The following BANP variants were observed in gnomAD, a reference collection of about 807,000 sequenced individuals.
The protein encoded by BANP is protein BANP.
In BANP, 11 loss-of-function variants were observed where a neutral mutation model predicts 68.1. The ratio of observed to expected loss-of-function variants is 0.16; its 90% CI spans 0.10 to 0.27. The LOEUF (loss-of-function observed/expected upper bound fraction) is 0.27, where lower values mean the gene tolerates loss of function less well. Among genes scored for constraint, BANP ranks in the 10% least tolerant of loss-of-function variants. The pLI, the probability that BANP is intolerant of heterozygous loss-of-function variation, is 1.00. For synonymous variants in BANP, 329 were observed against 303.2 expected, an observed-to-expected ratio of 1.09 and a Z score of -0.88; for missense variants, 504 against 722.7, an observed-to-expected ratio of 0.70 and a Z score of 3.47.
At chr16:88,026,172 G>A (rs2076947469) in intron 7 of BANP, among the ~76,000 whole-genome samples, 1 of 152,228 alleles carries the variant, frequency 6.6e-6, no homozygotes, top group African/African-American at 2.4e-5. Flanking sequence ...GGGGGTCCCA[G>A]GACAGTTCTC....
intron 4 of BANP, among the ~76,000 whole-genome samples, chr16:87,990,746 G>T (rs1274881984): frequency 2.0e-5 from 3 of 152,076 alleles, no homozygotes; most frequent in Non-Finnish European, 4.4e-5. Flanking sequence ...ACCTTGCACA[G>T]CTGCATACTT....
rs946350281 is a variant in BANP at position 88,076,826 on chromosome 16, A to C, written c.*165A>C. ...GGAACAGCATCCTATCAACTGAAAG[A>C]GCAGCCGCCGCCGCCCCCAGCCGGA... On this transcript the variant is annotated 3_prime_UTR_variant, in exon 14 of 14. Transcript: ENST00000682872. The C allele has an allele frequency of 2.3e-5, 14 of 610,180 alleles. No individual in the cohort carries two copies. In the African/African-American group the frequency reaches 2.4e-4, roughly 11 times the overall value. The allele number at this position is 610,180 out of a possible 1,614,324, so 37.8% of individuals were successfully genotyped here. A position where few individuals can be genotyped will look rare whatever the true frequency, so the allele number is the denominator to read the frequency against.
intron 6 of BANP, chr16:88,017,190 C>G (rs1218924413): frequency 6.6e-6 from 1 of 152,188 alleles, no homozygotes; most frequent in Non-Finnish European, 1.5e-5. Context: ...TCTGAGGCAG[C>G]GATGCCCAGG....
chr16:88,043,945 T>C (rs2081379378), intron 11 of BANP, among the ~76,000 whole-genome samples: 1 of 152,244 alleles, frequency 6.6e-6, no homozygotes. Context: ...TGGATGACTT[T>C]ATTTTTGAGT....
chr16:88,047,324 C>G (rs1266024604), intron 11 of BANP, among the ~76,000 whole-genome samples: 1 of 152,342 alleles, frequency 6.6e-6, no homozygotes, highest in African/African-American at 2.4e-5. Context: ...TTGGCGAAAA[C>G]TGCCAGTTTC....
chr16:87,992,089 C>T (rs2066004802), intron 4 of BANP, among the ~76,000 whole-genome samples: 1 of 152,168 alleles, frequency 6.6e-6, no homozygotes, highest in South Asian at 2.1e-4. Flanking sequence ...ATTGGATTTT[C>T]ACATGCCTTT....
chr16:88,013,404 G>A (rs913699884), intron 6 of BANP, among the ~76,000 whole-genome samples: 2 of 152,154 alleles, frequency 1.3e-5, no homozygotes, highest in South Asian at 2.1e-4. Flanking sequence ...TTCCTAGACC[G>A]CTGCCCGCAC....
chr16:88,045,165 T>G (rs1462742587), intron 11 of BANP, among the ~76,000 whole-genome samples: 4 of 152,104 alleles, frequency 2.6e-5, no homozygotes, highest in Non-Finnish European at 4.4e-5. Flanking sequence ...TTCTCAGGGC[T>G]TTTCATCTAG....
chr16:87,954,231 C>G (rs1289375378), intron 1 of BANP, among the ~76,000 whole-genome samples: 1 of 152,142 alleles, frequency 6.6e-6, no homozygotes, highest in Non-Finnish European at 1.5e-5. Flanking sequence ...TATGTGTTCA[C>G]AATCAAATTT....
rs2075247899 is a variant in BANP at position 88,018,988 on chromosome 16, A to T, written c.895+321A>T. Among the ~76,000 whole-genome samples, 1 of 151,714 alleles carries T rather than the reference A, an allele frequency of 6.6e-6. No homozygotes were observed. Among genetic ancestry groups the T allele is most frequent in the African/African-American group, 2.4e-5 (1 of 41,318 alleles). ...CTTGAGGAAGAGAGAGGAGGAGGAG[A>T]GCCGGGGCCTTCCCTGCTGTCCTGG... is the stretch of plus-strand genomic sequence containing the variant. On this transcript the variant is annotated intron_variant, in intron 7 of 13. Coordinates refer to ENST00000682872, the MANE Select transcript of BANP (RefSeq NM_001386991.1). This position sits in a 1 kb window ranked among gnomAD's most constrained non-coding sequence, Gnocchi z 7.7.
At chr16:87,956,086 GC>G (rs1303820689) in intron 1 of BANP, among the ~76,000 whole-genome samples, 1 of 152,154 alleles carries the variant, frequency 6.6e-6, no homozygotes, top group Non-Finnish European at 1.5e-5. Context: ...TGGTCTTGCA[GC>G]TCCCCCGTCA....
At chr16:87,950,348 G>A (rs1277966915), upstream of BANP, 1 of 152,186 alleles carries the variant, frequency 6.6e-6, no homozygotes, top group African/African-American at 2.4e-5. Context: ...GACATTTCTG[G>A]GAACTGCGCT....
intron 11 of BANP, among the ~76,000 whole-genome samples, chr16:88,059,436 A>C (rs2086089631): frequency 6.6e-6 from 1 of 152,102 alleles, no homozygotes. Flanking sequence ...ACCTGAGCCC[A>C]GTGTGGCCTC....
chr16:87,961,408 C>CCCCCT (rs1567585443), intron 1 of BANP, among the ~76,000 whole-genome samples: 1 of 78,756 alleles, frequency 1.3e-5, no homozygotes, highest in African/African-American at 4.7e-5. Context: ...ACAGAATCTG[C>CCCCCT]ACCCCCCCGG....
chr16:88,019,172 C>T (rs1013192484), intron 7 of BANP, among the ~76,000 whole-genome samples: 2 of 152,184 alleles, frequency 1.3e-5, no homozygotes, highest in Admixed American at 6.5e-5. Context: ...GATTTTCGTG[C>T]CCAGCCCGGC....
rs1211498516 is a variant in BANP at position 88,036,179 on chromosome 16, G to A, written c.1272+785G>A. 3.9e-5 allele frequency among the ~76,000 whole-genome samples: 6 copies of A among 152,228 alleles called. No individual in the cohort carries two copies. The highest frequency in any genetic ancestry group is 3.8e-4 in the East Asian group (2 of 5,198). On this transcript the variant is annotated intron_variant, in intron 10 of 13. Transcript: ENST00000682872. The surrounding 1 kb of genome is among the most constrained non-coding windows in gnomAD (Gnocchi z 4.2). Reference sequence around the variant, plus strand: ...CACACACGTGTTGTACTCAGTGACCGTGGTGCGCTCTGGGGGATGAGGAAC... The same window carrying A: ...CACACACGTGTTGTACTCAGTGACCATGGTGCGCTCTGGGGGATGAGGAAC...
At chr16:87,985,842 A>G (rs2064283931) in intron 4 of BANP, among the ~76,000 whole-genome samples, 2 of 152,356 alleles carry the variant, frequency 1.3e-5, no homozygotes, top group East Asian at 3.9e-4. Context: ...ACTTTCACAT[A>G]AAGCAAAGTA....
intron 4 of BANP, among the ~76,000 whole-genome samples, chr16:87,994,190 G>T (rs916808172): frequency 3.3e-5 from 5 of 152,214 alleles, no homozygotes; most frequent in African/African-American, 9.7e-5. Flanking sequence ...TAGGAGCCCC[G>T]CATCCTGTGC....
chr16:88,029,563 A>G (rs1388978224), intron 8 of BANP, among the ~76,000 whole-genome samples: 2 of 150,654 alleles, frequency 1.3e-5, no homozygotes, highest in South Asian at 4.2e-4. Context: ...GTGAGCCGAG[A>G]TCACACCACT....
Sources: allele counts gnomAD v4.1 joint callset (sites outside exome capture counted in the v4.1 genomes callset), GRCh38; gene constraint gnomAD v4.1.1; non-coding constraint Gnocchi (gnomAD v3.1); transcripts MANE v1.5; gene names NCBI Gene and HGNC (gene_info 2026-07-23, HGNC 2026-07-21).